Variants in PCDH15 observed in about 807,000 individuals in gnomAD.
PCDH15 encodes the protein protocadherin related 15.
In PCDH15, 129 loss-of-function variants were observed where a neutral mutation model predicts 178.5. The ratio of observed to expected loss-of-function variants is 0.72; its 90% CI spans 0.63 to 0.84. The LOEUF is 0.84. PCDH15 is among the 40% of genes least tolerant of loss of function. The probability of loss-of-function intolerance (pLI) is 0.00; values close to 1 mark genes in which losing one functional copy is unlikely to be tolerated. For synonymous variants in PCDH15, 800 were observed against 732.0 expected (o/e 1.09, Z -1.50); for missense variants, 2,230 against 2,099.9 (o/e 1.06, Z -1.21).
intron 2 of PCDH15, among the ~76,000 whole-genome samples, chr10:55,004,818 A>G (rs1164465573): frequency 6.6e-6 from 1 of 152,148 alleles, no homozygotes; most frequent in Non-Finnish European, 1.5e-5. Flanking sequence ...TTTTGATAAC[A>G]TCAGTTATAA....
chr10:55,417,677 T>C (rs2132041570), intron 2 of PCDH15, among the ~76,000 whole-genome samples: 2 of 151,582 alleles, frequency 1.3e-5, no homozygotes, highest in Admixed American at 1.3e-4. Context: ...ATAAATACAT[T>C]TTCAAACAGA....
chr10:55,463,899 G>GAGAGAAAGAA lies in PCDH15; in HGVS notation c.-156+163725_-156+163726insTTCTTTCTCT, dbSNP rs1839738570. Among the ~76,000 whole-genome samples, 2 of 47,438 alleles carry GAGAGAAAGAA rather than the reference G, an allele frequency of 4.2e-5. 1 individual carries two copies. Among genetic ancestry groups the GAGAGAAAGAA allele is most frequent in the Non-Finnish European group, 8.0e-5 (2 of 25,052 alleles). 31.1% of individuals were successfully genotyped at this position (47,438 alleles called of 152,430 possible). A position where few individuals can be genotyped will look rare whatever the true frequency, so the allele number is the denominator to read the frequency against. On this transcript the variant is annotated intron_variant, in intron 2 of 5. Transcript: ENST00000613346. Reference sequence around the variant, plus strand: ...AGAGAGAGAAAGAGAGGGAGAGAGAGAGAAAGAAAGAAAGAAAGAAAGAAA... The same window carrying GAGAGAAAGAA: ...AGAGAGAGAAAGAGAGGGAGAGAGAGAGAGAAAGAAAGAAAGAAAGAAAGAAAGAAAGAAA...
intron 16 of PCDH15, among the ~76,000 whole-genome samples, chr10:54,085,646 T>G (rs2136006456): frequency 6.6e-6 from 1 of 152,290 alleles, no homozygotes; most frequent in East Asian, 1.9e-4. Context: ...CACTGAATGA[T>G]TTGTATTACC....
chr10:53,925,239 C>G (rs780144109), intron 25 of PCDH15, among the ~76,000 whole-genome samples: 1 of 152,032 alleles, frequency 6.6e-6, no homozygotes, highest in Non-Finnish European at 1.5e-5. Context: ...AGCTTCACTC[C>G]TGAGGCCAGC....
At chr10:54,747,806 A>ATTTTTTTTTTTTTTTT (rs10628733) in intron 1 of PCDH15, among the ~76,000 whole-genome samples, 1 of 135,562 alleles carries the variant, frequency 7.4e-6, no homozygotes, top group African/African-American at 2.8e-5. Flanking sequence ...CAATGGTTAC[A>ATTTTTTTTTTTTTTTT]TTTTTTTTTT....
chr10:55,530,210 A>T (rs1267900501), intron 2 of PCDH15, among the ~76,000 whole-genome samples: 3 of 151,866 alleles, frequency 2.0e-5, no homozygotes, highest in Non-Finnish European at 4.4e-5. Context: ...GAACCCCTGT[A>T]TTTGGCATGT....
At chr10:55,357,209 T>C (rs376023775) in intron 2 of PCDH15, among the ~76,000 whole-genome samples, 7 of 152,012 alleles carry the variant, frequency 4.6e-5, no homozygotes, top group South Asian at 4.1e-4. Flanking sequence ...AATTCAAACA[T>C]GAATAAATCT....
chr10:53,961,617 GA>G (rs575612592), intron 22 of PCDH15, 134 bp downstream of exon 22: 437 of 603,126 alleles, frequency 7.2e-4, no homozygotes, highest in African/African-American at 6.6e-3. Context: ...GTTTCTAAGA[GA>G]AAAAAAAATT....
At chr10:55,333,813 T>C (rs1844279427) in intron 2 of PCDH15, among the ~76,000 whole-genome samples, 1 of 151,800 alleles carries the variant, frequency 6.6e-6, no homozygotes, top group South Asian at 2.1e-4. Context: ...AAAAAAAAGC[T>C]AAAGAAAACA....
At chr10:55,615,613 A>T (rs1483996652) in intron 2 of PCDH15, among the ~76,000 whole-genome samples, 1 of 152,204 alleles carries the variant, frequency 6.6e-6, no homozygotes, top group Non-Finnish European at 1.5e-5. Context: ...CAGCACTATA[A>T]TACCAGCCCT....
intron 1 of PCDH15, among the ~76,000 whole-genome samples, chr10:54,763,302 C>G (rs973818774): frequency 1.3e-5 from 2 of 152,140 alleles, no homozygotes; most frequent in Non-Finnish European, 2.9e-5. Flanking sequence ...AAAGCCAGAA[C>G]ACATTTCACA....
At chr10:54,985,673 C>T (rs1839346101) in intron 2 of PCDH15, among the ~76,000 whole-genome samples, 1 of 152,156 alleles carries the variant, frequency 6.6e-6, no homozygotes, top group South Asian at 2.1e-4. Context: ...GTGACTATTG[C>T]ACAGCATATT....
intron 2 of PCDH15, among the ~76,000 whole-genome samples, chr10:54,984,162 G>C (rs945057474): frequency 2.0e-5 from 3 of 152,110 alleles, no homozygotes; most frequent in Admixed American, 6.6e-5. Context: ...TTAACCTGAA[G>C]ATTTGAAAGG....
rs1198458366 is a variant in PCDH15, at chr10:54,333,561, G to GT, written c.595-3856dup. 3.4e-4 allele frequency among the ~76,000 whole-genome samples: 25 copies of GT among 74,534 alleles called. No homozygotes were observed. The South Asian group carries it at 6.5e-3, about 19-fold the overall frequency. The allele number at this position is 74,534 out of a possible 152,430, so 48.9% of individuals were successfully genotyped here. On this transcript the variant is annotated intron_variant, in intron 6 of 37. Coordinates refer to ENST00000644397, the MANE Select transcript of PCDH15 (RefSeq NM_001384140.1). ...TATTTCTGAAGTGTTTACCTAAAAA[G>GT]TTTAAAAAAAAAAAAGCTAAATTAA...
intron 22 of PCDH15, among the ~76,000 whole-genome samples, chr10:53,960,432 G>T (rs958602566): frequency 1.3e-5 from 2 of 152,118 alleles, no homozygotes; most frequent in African/African-American, 2.4e-5. Flanking sequence ...AGTTCATTTG[G>T]TATAGCAGAA....
At chr10:53,809,077 T>C in intron 37 of PCDH15, 2 of 1,613,794 alleles carry the variant, frequency 1.2e-6, no homozygotes, top group Non-Finnish European at 1.7e-6. Flanking sequence ...AAGCACAATG[T>C]TTTTCCTTGC....
chr10:55,135,574 C>CTTTTTT (rs56956557), intron 2 of PCDH15, among the ~76,000 whole-genome samples: 8 of 68,236 alleles, frequency 1.2e-4, no homozygotes, highest in African/African-American at 4.4e-4. Context: ...TCTTTTCTTT[C>CTTTTTT]TTTTTTTTTT....
intron 2 of PCDH15, among the ~76,000 whole-genome samples, chr10:55,565,272 G>A (rs557609373): frequency 2.0e-5 from 3 of 151,756 alleles, no homozygotes; most frequent in African/African-American, 7.2e-5. Context: ...AGAAATAACA[G>A]GGGAACTGTA....
chr10:55,425,417 A>C (rs1838728284), intron 2 of PCDH15, among the ~76,000 whole-genome samples: 1 of 152,112 alleles, frequency 6.6e-6, no homozygotes, highest in South Asian at 2.1e-4. Flanking sequence ...AAAAGTGTTG[A>C]TGTATTATCA....
Sources: gnomAD v4.1 joint callset for allele counts (sites outside exome capture counted in the v4.1 genomes callset) on GRCh38, gnomAD v4.1.1 for gene constraint, MANE v1.5 for transcripts, NCBI Gene and HGNC (gene_info 2026-07-23, HGNC 2026-07-21) for gene names.